UNC13C: variants seen among roughly 807,000 people sequenced by gnomAD.
The protein encoded by UNC13C is unc-13 homolog C, also known as protein unc-13 homolog C.
A neutral mutation model predicts 245.4 loss-of-function variants in UNC13C; 174 were observed. The observed-to-expected ratio is 0.71, with a 90% CI of 0.63 to 0.80. The LOEUF (loss-of-function observed/expected upper bound fraction) is 0.80, where lower values mean the gene tolerates loss of function less well. UNC13C is among the 30% of genes least tolerant of loss of function. The pLI is 0.00. For synonymous variants in UNC13C, 992 were observed against 895.1 expected (o/e 1.11, Z -1.93); for missense variants, 2,829 against 2,602.9 (o/e 1.09, Z -1.89).
At chr15:54,265,311 C>A (rs764666905) in intron 9 of UNC13C, 44 bp from the exon 10 acceptor site, 23 of 1,342,866 alleles carry the variant, frequency 1.7e-5, no homozygotes, top group Non-Finnish European at 1.9e-5. Flanking sequence ...TTTTTTGTTT[C>A]TGAGGACTCT....
At chr15:53,935,867 A>G in the UNC13C span, among the ~76,000 whole-genome samples, 6 of 152,150 alleles carry the variant, frequency 3.9e-5, no homozygotes, top group African/African-American at 1.4e-4. Flanking sequence ...TCCAAAGCAC[A>G]GAGATGTGCA....
chr15:54,570,948 G>T (rs1897728038), intron 30 of UNC13C, among the ~76,000 whole-genome samples: 1 of 152,146 alleles, frequency 6.6e-6, no homozygotes, highest in Non-Finnish European at 1.5e-5. Context: ...TATATAAAGT[G>T]CTATACAATT....
chr15:54,301,289 G>GT (rs10548904), intron 13 of UNC13C, among the ~76,000 whole-genome samples: 1,706 of 140,318 alleles, frequency 0.012, 17 homozygotes, highest in Non-Finnish European at 0.015. Context: ...ATTTTCTTTT[G>GT]TTTTTTTTTT....
intron 18 of UNC13C, among the ~76,000 whole-genome samples, chr15:54,398,370 T>G (rs1399077372): frequency 6.6e-6 from 1 of 151,338 alleles, no homozygotes; most frequent in Non-Finnish European, 1.5e-5. Flanking sequence ...TGTTAAGTAT[T>G]TTTGCCTTTG....
intron 2 of UNC13C, among the ~76,000 whole-genome samples, chr15:54,038,116 A>AT (rs1315947594): frequency 4.9e-4 from 11 of 22,578 alleles, no homozygotes; most frequent in Admixed American, 1.7e-3. Context: ...ATATATATAT[A>AT]TATATATATT....
intron 25 of UNC13C, among the ~76,000 whole-genome samples, chr15:54,531,768 C>G (rs1003682859): frequency 1.3e-5 from 2 of 151,972 alleles, no homozygotes; most frequent in East Asian, 3.9e-4. Context: ...TCAGCAAAAT[C>G]TAACTTTAGA....
chr15:54,409,788 T>C (rs1396460006), intron 18 of UNC13C, among the ~76,000 whole-genome samples: 1 of 152,178 alleles, frequency 6.6e-6, no homozygotes, highest in Non-Finnish European at 1.5e-5. Context: ...GTGTATGGGC[T>C]TCTAGGTTGA....
chr15:54,130,698 C>G (rs543366890), intron 2 of UNC13C, among the ~76,000 whole-genome samples: 1 of 152,280 alleles, frequency 6.6e-6, no homozygotes, highest in East Asian at 1.9e-4. Flanking sequence ...AGATTCCTAT[C>G]TTCATAGGCA....
At chr15:54,342,694 T>C (rs902672932) in intron 17 of UNC13C, among the ~76,000 whole-genome samples, 2 of 152,198 alleles carry the variant, frequency 1.3e-5, no homozygotes, top group Non-Finnish European at 2.9e-5. Context: ...TAGAAAGCAA[T>C]GTTAGATGAA....
intron 18 of UNC13C, among the ~76,000 whole-genome samples, chr15:54,407,657 G>GA (rs2040325157): frequency 6.6e-6 from 1 of 151,824 alleles, no homozygotes; most frequent in African/African-American, 2.4e-5. Flanking sequence ...TTTTATAATG[G>GA]AAAAAAACTT....
intron 4 of UNC13C, among the ~76,000 whole-genome samples, chr15:54,190,020 C>G (rs2034128901): frequency 1.3e-5 from 2 of 152,140 alleles, no homozygotes; most frequent in African/African-American, 4.8e-5. Flanking sequence ...AGAGACTAAA[C>G]TGATTCTACA....
chr15:54,028,568 G>A (rs1003237555), intron 2 of UNC13C, among the ~76,000 whole-genome samples: 2 of 152,058 alleles, frequency 1.3e-5, no homozygotes, highest in African/African-American at 2.4e-5. Flanking sequence ...CATCTCCTGC[G>A]AGGCAAGTGG....
At chr15:54,009,995 G>A (rs1410942473) in intron 1 of UNC13C, among the ~76,000 whole-genome samples, 1 of 152,214 alleles carries the variant, frequency 6.6e-6, no homozygotes, top group Admixed American at 6.5e-5. Flanking sequence ...CCCCATCAGA[G>A]GCATCCCTCT....
chr15:54,338,544 T>G (rs1237835218), intron 17 of UNC13C, 55 bp downstream of exon 17: 10 of 1,591,930 alleles, frequency 6.3e-6, no homozygotes, highest in Non-Finnish European at 8.6e-6. Flanking sequence ...AGTATCTGTT[T>G]CCATAAGTTT....
At chr15:54,133,028 A>C (rs1177142281) in intron 2 of UNC13C, among the ~76,000 whole-genome samples, 1 of 152,198 alleles carries the variant, frequency 6.6e-6, no homozygotes, top group Non-Finnish European at 1.5e-5. Context: ...GACTATATCT[A>C]TCCATCTTAA....
intron 8 of UNC13C, among the ~76,000 whole-genome samples, chr15:54,251,827 C>G (rs181934966): frequency 6.6e-6 from 1 of 152,286 alleles, no homozygotes; most frequent in East Asian, 1.9e-4. Context: ...AATGCTGTCA[C>G]AGCTGACTTG....
intron 4 of UNC13C, among the ~76,000 whole-genome samples, chr15:54,168,921 A>C (rs1404923232): frequency 6.6e-6 from 1 of 152,224 alleles, no homozygotes; most frequent in African/African-American, 2.4e-5. Context: ...GAATCAATAA[A>C]AGTGATTAAT....
chr15:54,500,539 A>C (rs1894160894), intron 21 of UNC13C, among the ~76,000 whole-genome samples: 2 of 152,068 alleles, frequency 1.3e-5, no homozygotes, highest in African/African-American at 4.8e-5. Context: ...CAAAATCGTG[A>C]GCCACAACCG....
intron 30 of UNC13C, among the ~76,000 whole-genome samples, chr15:54,614,145 T>C (rs1250773759): frequency 5.3e-5 from 8 of 152,038 alleles, no homozygotes; most frequent in East Asian, 1.9e-4. Context: ...CTCAGGTCAA[T>C]TGACTTATTT....
Sources: gnomAD v4.1 joint callset for allele counts (sites outside exome capture counted in the v4.1 genomes callset) on GRCh38, gnomAD v4.1.1 for gene constraint, MANE v1.5 for transcripts, NCBI Gene and HGNC (gene_info 2026-07-23, HGNC 2026-07-21) for gene names.